BBX: variants seen among roughly 807,000 people sequenced by gnomAD.
BBX encodes HMG box transcription factor BBX.
In BBX, 30 loss-of-function variants were observed where a neutral mutation model predicts 100.2. The observed-to-expected ratio is 0.30, with a 90% CI of 0.22 to 0.41. The LOEUF is 0.41. Among genes scored for constraint, BBX ranks in the 10% least tolerant of loss-of-function variants. The probability of loss-of-function intolerance (pLI) is 1.00; values close to 1 mark genes in which losing one functional copy is unlikely to be tolerated. For synonymous variants in BBX, 376 were observed against 388.1 expected, an observed-to-expected ratio of 0.97 and a Z score of 0.37; for missense variants, 1,023 against 1,129.8, an observed-to-expected ratio of 0.91 and a Z score of 1.35.
At chr3:107,804,592 A>G (rs892383024) in intron 17 of BBX, among the ~76,000 whole-genome samples, 1 of 152,210 alleles carries the variant, frequency 6.6e-6, no homozygotes, top group African/African-American at 2.4e-5. Context: ...AAGCTGAATG[A>G]AAAATCAGCT....
At chr3:107,600,054 G>A (rs1294150055) in intron 2 of BBX, among the ~76,000 whole-genome samples, 2 of 152,102 alleles carry the variant, frequency 1.3e-5, no homozygotes, top group African/African-American at 2.4e-5. Flanking sequence ...GTTTTTAGAG[G>A]GTGTGTTACA....
chr3:107,595,654 A>G (rs2053625245), intron 2 of BBX, among the ~76,000 whole-genome samples: 1 of 152,196 alleles, frequency 6.6e-6, no homozygotes, highest in African/African-American at 2.4e-5. Context: ...GACTCTTGTT[A>G]TGTCAGAGCA....
Position 107,789,877 on chromosome 3 carries a change from G to A in BBX, c.2293+1G>A, listed in dbSNP as rs1372938172. On this transcript the variant is annotated splice_donor_variant, in intron 14 of 17. Transcript: ENST00000325805. LOFTEE classifies it high-confidence loss of function. ...GAGAAGCCCAATGTTCCGGAAAAAG[G>A]TATTGGTGCCCTCCATCCTCCATGA... 1 of 1,545,210 alleles carries A rather than the reference G, an allele frequency of 6.5e-7. No homozygotes were observed. The highest frequency in any genetic ancestry group is 8.8e-7 in the Non-Finnish European group (1 of 1,141,712).
At chr3:107,787,613 A>T (rs1291487449) in intron 13 of BBX, among the ~76,000 whole-genome samples, 2 of 152,190 alleles carry the variant, frequency 1.3e-5, no homozygotes, top group African/African-American at 4.8e-5. Context: ...TATACTTTAA[A>T]TGGGTGAATT....
chr3:107,749,617 T>G (rs956061327), intron 9 of BBX, among the ~76,000 whole-genome samples: 1 of 152,014 alleles, frequency 6.6e-6, no homozygotes, highest in Non-Finnish European at 1.5e-5. Flanking sequence ...GCTCAGCATA[T>G]GATTCAGTGT....
At chr3:107,745,467 T>C (rs760310762) in intron 8 of BBX, among the ~76,000 whole-genome samples, 1 of 152,092 alleles carries the variant, frequency 6.6e-6, no homozygotes, top group Non-Finnish European at 1.5e-5. Context: ...TTTTTTGTTT[T>C]TTATTTTTTT....
At chr3:107,672,449 A>G (rs758502326) in intron 3 of BBX, among the ~76,000 whole-genome samples, 2 of 151,978 alleles carry the variant, frequency 1.3e-5, no homozygotes, top group African/African-American at 4.8e-5. Flanking sequence ...AAAAGAACCT[A>G]TGTTGGAAAC....
intron 6 of BBX, 128 bp downstream of exon 6, chr3:107,729,088 C>A: frequency 1.1e-6 from 1 of 930,720 alleles, no homozygotes; most frequent in Non-Finnish European, 1.6e-6. Flanking sequence ...AAAGATATAG[C>A]ATATTTTCAA....
At position 107,754,524 on chromosome 3, in the gene BBX, T is replaced by A. The variant is rs561156009; in HGVS notation, c.826-1074T>A. On this transcript the variant is annotated intron_variant, in intron 9 of 17. Coordinates refer to ENST00000325805, the MANE Select transcript of BBX (RefSeq NM_001142568.3). ...CCTTTTTAATAGCCTAGGTAGGCCATTATTAAATACATGCTTCTACAAAGG... is the reference window on the plus strand; with the variant it reads ...CCTTTTTAATAGCCTAGGTAGGCCAATATTAAATACATGCTTCTACAAAGG... 2.6e-5 allele frequency among the ~76,000 whole-genome samples: 4 copies of A among 152,306 alleles called. No individual in the cohort carries two copies. The South Asian group carries it at 8.3e-4, about 32-fold the overall frequency.
At chr3:107,606,463 G>A (rs1314324968) in intron 2 of BBX, among the ~76,000 whole-genome samples, 1 of 152,108 alleles carries the variant, frequency 6.6e-6, no homozygotes, top group African/African-American at 2.4e-5. Context: ...GAAGCCCCTG[G>A]TTTTATTAAC....
intron 4 of BBX, among the ~76,000 whole-genome samples, chr3:107,714,895 C>T (rs1168665075): frequency 6.6e-6 from 1 of 152,050 alleles, no homozygotes; most frequent in Admixed American, 6.6e-5. Context: ...AAGCAATTCT[C>T]CTGCCTCAGT....
intron 3 of BBX, among the ~76,000 whole-genome samples, chr3:107,652,211 A>G (rs939205639): frequency 2.0e-5 from 3 of 151,886 alleles, no homozygotes; most frequent in African/African-American, 7.3e-5. Flanking sequence ...TTTTTGGACG[A>G]TTTTTGTCTG....
intron 3 of BBX, among the ~76,000 whole-genome samples, chr3:107,675,318 A>G (rs1449167733): frequency 6.6e-6 from 1 of 152,126 alleles, no homozygotes; most frequent in Admixed American, 6.5e-5. Flanking sequence ...TTTTTTGGCC[A>G]TCATGTTTTG....
chr3:107,805,335 T>C, intron 17 of BBX, 35 bp from the exon 18 acceptor site: 1 of 1,590,340 alleles, frequency 6.3e-7, no homozygotes, highest in African/African-American at 1.4e-5. Context: ...TAACATATGC[T>C]GAATAAGTGA....
rs912087215 is a variant in BBX, at chr3:107,716,767, G to T, written c.323G>T (p.Arg108Leu). 1 of 1,613,732 alleles carries T rather than the reference G, an allele frequency of 6.2e-7. No homozygotes were observed. The highest frequency in any genetic ancestry group is 2.2e-5 in the East Asian group (1 of 44,866). The change falls in exon 5 of 18, where the codon CGA (arginine) becomes CTA (leucine). Residue 108 changes from arginine (R) to leucine (L), a missense_variant. Physicochemically the swap from Arg to Leu is moderately radical, Grantham distance 102. Around this residue, in one of 9 missense-constraint regions of BBX, gnomAD observed 229 missense variants for 226.3 expected, o/e 1.01. Transcript: ENST00000325805. ...VRQEHPRLDN[R>L]GATKILADWW... ...CAGGAACACCCCAGGCTTGATAACC[G>T]AGGTGCTACCAAGATACTAGCTGAT...
At chr3:107,556,357 GTTTA>G (rs966625923) in intron 2 of BBX, among the ~76,000 whole-genome samples, 1 of 152,140 alleles carries the variant, frequency 6.6e-6, no homozygotes. Context: ...TGTGTATTTT[GTTTA>G]TTTAATTTTT....
At chr3:107,790,847 T>C (rs1022402704) in intron 14 of BBX, among the ~76,000 whole-genome samples, 1 of 152,208 alleles carries the variant, frequency 6.6e-6, no homozygotes, top group Non-Finnish European at 1.5e-5. Context: ...TTGGGCCTTC[T>C]TTTCACTTCC....
At position 107,790,241 on chromosome 3, in the gene BBX, C is replaced by T. The variant is rs181408957; in HGVS notation, c.2293+365C>T. On this transcript the variant is annotated intron_variant, in intron 14 of 17. Transcript: ENST00000325805. ...GTTTGGCAGCCCTTCATACCATGACCACATTTTCCTACTTCATGAAATCTT... is the reference window on the plus strand; with the variant it reads ...GTTTGGCAGCCCTTCATACCATGACTACATTTTCCTACTTCATGAAATCTT... 4.4e-3 allele frequency among the ~76,000 whole-genome samples: 672 copies of T among 152,276 alleles called. 21 individuals carry two copies. Among genetic ancestry groups the T allele is most frequent in the Admixed American group, 0.04 (615 of 15,300 alleles).
intron 15 of BBX, among the ~76,000 whole-genome samples, chr3:107,793,401 C>T (rs973144895): frequency 2.6e-5 from 4 of 152,186 alleles, no homozygotes; most frequent in African/African-American, 9.6e-5. Context: ...GTGTAGAGTA[C>T]AAACTCATTT....
Sources: allele counts gnomAD v4.1 joint callset (sites outside exome capture counted in the v4.1 genomes callset), GRCh38; gene constraint gnomAD v4.1.1; regional missense constraint gnomAD v4.1.1; transcripts MANE v1.5; gene names NCBI Gene and HGNC (gene_info 2026-07-23, HGNC 2026-07-21).